DNLZ: variants seen among roughly 807,000 people sequenced by gnomAD.
DNLZ encodes DNL-type zinc finger protein.
Under a neutral mutation model 7.8 loss-of-function variants are expected in DNLZ, and 15 were observed. The ratio of observed to expected loss-of-function variants is 1.91; its 90% confidence interval spans 1.28 to 2.95. The LOEUF is 2.95. Ranked by LOEUF, DNLZ falls within the 30% of genes most tolerant of loss-of-function variation. DNLZ has a pLI of 0.00. For missense variants in DNLZ, 255 were observed against 167.3 expected (o/e 1.52, Z -2.89); for synonymous variants, 123 against 77.8 (o/e 1.58, Z -3.05).
chr9:136,361,960 CA>C lies in DNLZ; in HGVS notation c.*51del. On this transcript the variant is annotated 3_prime_UTR_variant, in exon 3 of 3. Transcript: ENST00000371738. ...GGCCACGTCCAGAGAGGCCCAGGGC[CA>C]AAACCTCCTTCTGGAAGGCCGAAGT... The C allele has an allele frequency of 4.0e-6, 5 of 1,246,228 alleles. No individual in the cohort carries two copies. The highest frequency in any genetic ancestry group is 3.6e-5 in the South Asian group (1 of 27,708). The allele number at this position is 1,246,228 out of a possible 1,614,324, so 77.2% of individuals were successfully genotyped here.
At position 136,361,039 on chromosome 9, in the gene DNLZ, G is replaced by A. The variant is rs1394050516; in HGVS notation, c.*973C>T. 1 of 152,240 alleles carries A rather than the reference G, an allele frequency of 6.6e-6. No homozygotes were observed. The highest frequency in any genetic ancestry group is 1.5e-5 in the Non-Finnish European group (1 of 68,076). The allele number at this position is 152,240 out of a possible 1,614,324, so 9.4% of individuals were successfully genotyped here. On this transcript the variant is annotated 3_prime_UTR_variant, in exon 3 of 3. Coordinates refer to ENST00000371738, the MANE Select transcript of DNLZ (RefSeq NM_001080849.3). ...GAAGGCTCTGGGTGGGAATAATAGA[G>A]GGTTGTTGGCTGAAAGAAGGACAGG...
rs1412427308 is a variant in DNLZ at position 136,361,938 on chromosome 9, C to G, written c.*74G>C. 12 of 1,113,438 alleles carry G rather than the reference C, an allele frequency of 1.1e-5. No homozygotes were observed. In the Admixed American group the frequency reaches 1.3e-4, roughly 12 times the overall value. The allele number at this position is 1,113,438 out of a possible 1,614,324, so 69.0% of individuals were successfully genotyped here. A position where few individuals can be genotyped will look rare whatever the true frequency, so the allele number is the denominator to read the frequency against. ...GTCTGTTTATTGATAGAAAACAGGC[C>G]ACGTCCAGAGAGGCCCAGGGCCAAA... On this transcript the variant is annotated 3_prime_UTR_variant, in exon 3 of 3. Coordinates refer to ENST00000371738, the MANE Select transcript of DNLZ (RefSeq NM_001080849.3).
rs143149892 is a variant in DNLZ at position 136,363,076 on chromosome 9, C to A, written c.281G>T (p.Gly94Val). 5.4e-5 allele frequency: 87 copies of A among 1,613,562 alleles called. No individual in the cohort carries two copies. Among genetic ancestry groups the A allele is most frequent in the African/African-American group, 9.3e-5 (7 of 74,942 alleles). ...GCCGGGGCAGGTCACAATGACCACG[C>A]CTTGGTGATAGGCCAGCTTGGAGAT... is the stretch of plus-strand genomic sequence containing the variant. ...KRISKLAYHQ[G>V]VVIVTCPGCQ... The change falls in exon 2 of 3, where the codon GGC becomes GTC. Residue 94 changes from glycine (G) to valine (V), a missense_variant. Physicochemically the swap from Gly to Val is moderately radical, Grantham distance 109. Coordinates refer to ENST00000371738, the MANE Select transcript of DNLZ (RefSeq NM_001080849.3).
intron 2 of DNLZ, 74 bp downstream of exon 2, chr9:136,362,915 G>A (rs1383477440): frequency 1.2e-5 from 18 of 1,451,256 alleles, no homozygotes; most frequent in Non-Finnish European, 1.6e-5. Context: ...CTCAACACTA[G>A]GGCAAGGTTC....
chr9:136,362,229 T>C, intron 2 of DNLZ, 49 bp from the exon 3 acceptor site: 1 of 1,427,544 alleles, frequency 7.0e-7, no homozygotes, highest in Non-Finnish European at 9.2e-7. Context: ...CCAGCCGCCC[T>C]GCACTTCAGT....
rs946482223 is a variant in DNLZ at position 136,363,123 on chromosome 9, G to A, written c.234C>T (p.Cys78=). Residue 78 remains cysteine, a synonymous_variant, in exon 2 of 3, where the codon TGC becomes TGT. Coordinates refer to ENST00000371738, the MANE Select transcript of DNLZ (RefSeq NM_001080849.3). ...AGATGCGCTTGGAGGACCTAGTCCC[G>A]CAGACCTGGCTGGGACAGGGTAGCT... ...HYQLVYTCKV[C]GTRSSKRISK... is the part of the protein sequence containing the mutation. The A allele has an allele frequency of 9.3e-6, 15 of 1,613,102 alleles. No individual in the cohort carries two copies. Among genetic ancestry groups the A allele is most frequent in the Admixed American group, 1.7e-5 (1 of 59,996 alleles).
intron 2 of DNLZ, 116 bp downstream of exon 2, chr9:136,362,873 G>C (rs1027002214): frequency 1.1e-6 from 1 of 893,774 alleles, no homozygotes; most frequent in East Asian, 2.5e-5. Flanking sequence ...TATTGATAAG[G>C]TGGCTGGATT....
chr9:136,363,382 A>C, intron 1 of DNLZ, 105 bp downstream of exon 1: 1 of 745,222 alleles, frequency 1.3e-6, no homozygotes, highest in Non-Finnish European at 2.4e-6. Flanking sequence ...CCTTCCTGTG[A>C]CTTGACCACG....
chr9:136,362,240 C>T (rs1301308810), intron 2 of DNLZ, 60 bp from the exon 3 acceptor site: 19 of 1,377,482 alleles, frequency 1.4e-5, no homozygotes, highest in South Asian at 1.7e-5. Flanking sequence ...GCACTTCAGT[C>T]CCCTCAGGGC....
At position 136,362,011 on chromosome 9, in the gene DNLZ, G is replaced by C; in HGVS notation, c.*1C>G. The C allele has an allele frequency of 7.6e-7, 1 of 1,309,104 alleles. No individual in the cohort carries two copies. Among genetic ancestry groups the C allele is most frequent in the Non-Finnish European group, 9.8e-7 (1 of 1,019,900 alleles). 81.1% of individuals were successfully genotyped at this position (1,309,104 alleles called of 1,614,324 possible). On this transcript the variant is annotated 3_prime_UTR_variant, in exon 3 of 3. Coordinates refer to ENST00000371738, the MANE Select transcript of DNLZ (RefSeq NM_001080849.3). The stretch of plus-strand genomic sequence containing the variant: ...TCCCACAGTGCCGGGGAGCGCAGGA[G>C]TCAGCTCGGCTCCGTCTTGCCAGGG...
chr9:136,363,353 C>T, intron 1 of DNLZ, 134 bp downstream of exon 1: 2 of 714,388 alleles, frequency 2.8e-6, no homozygotes. Context: ...TCCCAGAAGC[C>T]CCAAGGGGTG....
In DNLZ at chr9:136,362,994, C is replaced by T. The variant is rs369212982; in HGVS notation, c.363G>A (p.Gly121=). Residue 121 remains glycine (G), a synonymous_variant, in exon 2 of 3, where the codon GGG becomes GGA. Coordinates refer to ENST00000371738, the MANE Select transcript of DNLZ (RefSeq NM_001080849.3). The stretch of plus-strand genomic sequence containing the variant: ...CCCTGGGGTACAGGCCTCACCTCTT[C>T]CCATTCAGGTCCGAGAACCAGCCCA... ...DNLGWFSDLN[G]KRNIEEILTA... The T allele has an allele frequency of 1.9e-6, 3 of 1,613,580 alleles. No homozygotes were observed. In the African/African-American group the frequency reaches 4.0e-5, roughly 22 times the overall value.
At chr9:136,363,421 T>C in intron 1 of DNLZ, 66 bp downstream of exon 1, 2 of 759,828 alleles carry the variant, frequency 2.6e-6, no homozygotes, top group Admixed American at 1.7e-5. Context: ...GCGGGCCGCT[T>C]CTCCCCGCAG....
intron 1 of DNLZ, 176 bp downstream of exon 1, chr9:136,363,311 T>C: frequency 3.1e-6 from 2 of 636,544 alleles, no homozygotes; most frequent in Non-Finnish European, 5.4e-6. Context: ...CAGGGACGGC[T>C]CCACCCCTCC....
At position 136,363,019 on chromosome 9, in the gene DNLZ, A is replaced by T; in HGVS notation, c.338T>A (p.Leu113Gln). ...CQNHHIIADN[L>Q]GWFSDLNGKR... is the part of the protein sequence containing the mutation. ...CCCATTCAGGTCCGAGAACCAGCCC[A>T]GGTTGTCAGCGATGATATGGTGGTT... Residue 113 changes from leucine to glutamine, a missense_variant, in exon 2 of 3, where the codon CTG becomes CAG. Physicochemically the swap from Leu to Gln is moderately radical, Grantham distance 113 (BLOSUM62 -2). Transcript: ENST00000371738. 6.2e-7 allele frequency: 1 copy of T among 1,613,798 alleles called. No individual in the cohort carries two copies. The highest frequency in any genetic ancestry group is 1.1e-5 in the South Asian group (1 of 91,082).
At position 136,361,881 on chromosome 9, in the gene DNLZ, G is replaced by A. The variant is rs1367288550; in HGVS notation, c.*131C>T. The A allele has an allele frequency of 4.1e-5, 28 of 676,822 alleles. No homozygotes were observed. The highest frequency in any genetic ancestry group is 5.2e-5 in the Non-Finnish European group (25 of 479,180). 41.9% of individuals were successfully genotyped at this position (676,822 alleles called of 1,614,324 possible). ...CTAACTCCAGAAAAAGAAAGGCCAC[G>A]AGGGCCACAGGCCCCAGCATCTGGA... On this transcript the variant is annotated 3_prime_UTR_variant, in exon 3 of 3. Transcript: ENST00000371738.
chr9:136,363,485 A>C lies in DNLZ; in HGVS notation c.228+2T>G, dbSNP rs745517264. ...CCCGGTTCCGTCCCGCCGCGCGCCT[A>C]CCTTGCAGGTGTAGACGAGCTGGTA... On this transcript the variant is annotated splice_donor_variant, in intron 1 of 2. Transcript: ENST00000371738. LOFTEE classifies it high-confidence loss of function. 18 of 760,230 alleles carry C rather than the reference A, an allele frequency of 2.4e-5. No individual in the cohort carries two copies. The highest frequency in any genetic ancestry group is 2.2e-4 in the South Asian group (16 of 74,314). The allele number at this position is 760,230 out of a possible 1,614,324, so 47.1% of individuals were successfully genotyped here. A position where few individuals can be genotyped will look rare whatever the true frequency, so the allele number is the denominator to read the frequency against.
At chr9:136,362,565 C>A (rs79856673) in intron 2 of DNLZ, among the ~76,000 whole-genome samples, 11,895 of 152,274 alleles carry the variant, frequency 0.078, 602 homozygotes, top group East Asian at 0.14. Flanking sequence ...AGGCCCGGAC[C>A]AGGCTCCCGG....
chr9:136,361,973 T>C lies in DNLZ; in HGVS notation c.*39A>G. ...GAGGCCCAGGGCCAAAACCTCCTTC[T>C]GGAAGGCCGAAGTCCCACAGTGCCG... On this transcript the variant is annotated 3_prime_UTR_variant, in exon 3 of 3. Transcript: ENST00000371738. The C allele has an allele frequency of 7.9e-7, 1 of 1,260,476 alleles. No individual in the cohort carries two copies. The highest frequency in any genetic ancestry group is 1.0e-6 in the Non-Finnish European group (1 of 995,622). The allele number at this position is 1,260,476 out of a possible 1,614,324, so 78.1% of individuals were successfully genotyped here.
Sources: allele counts gnomAD v4.1 joint callset (sites outside exome capture counted in the v4.1 genomes callset), GRCh38; gene constraint gnomAD v4.1.1; transcripts MANE v1.5; gene names NCBI Gene and HGNC (gene_info 2026-07-23, HGNC 2026-07-21).